KIAA1671: variants seen among roughly 807,000 people sequenced by gnomAD.
KIAA1671 encodes the protein uncharacterized protein KIAA1671.
In KIAA1671, 52 loss-of-function variants were observed where a neutral mutation model predicts 131.2. The observed-to-expected ratio is 0.40, with a 90% CI of 0.32 to 0.50. The LOEUF (loss-of-function observed/expected upper bound fraction) is 0.50, where lower values mean the gene tolerates loss of function less well. KIAA1671 is among the 20% of genes least tolerant of loss of function. The probability of loss-of-function intolerance (pLI) is 0.73; values close to 1 mark genes in which losing one functional copy is unlikely to be tolerated. For synonymous variants in KIAA1671, 1,003 were observed against 961.6 expected (o/e 1.04, Z -0.80); for missense variants, 2,360 against 2,364.2 (o/e 1.00, Z 0.04).
intron 6 of KIAA1671, among the ~76,000 whole-genome samples, chr22:25,142,696 A>G (rs1240379719): frequency 6.6e-6 from 1 of 152,036 alleles, no homozygotes; most frequent in African/African-American, 2.4e-5. Context: ...ATATGGTGAA[A>G]CCCCGTCTCT....
intron 1 of KIAA1671, among the ~76,000 whole-genome samples, chr22:25,008,106 G>C (rs1412779760): frequency 6.7e-6 from 1 of 149,358 alleles, no homozygotes; most frequent in Admixed American, 6.8e-5. Flanking sequence ...ACTGAGGCAG[G>C]AGAATCTCTT....
At chr22:25,068,623 A>G (rs1928626809) in intron 6 of KIAA1671, among the ~76,000 whole-genome samples, 1 of 152,094 alleles carries the variant, frequency 6.6e-6, no homozygotes. Flanking sequence ...TTTTTAGTAG[A>G]GACGGGGTTT....
intron 6 of KIAA1671, among the ~76,000 whole-genome samples, chr22:25,153,116 A>G (rs976702976): frequency 2.6e-5 from 4 of 152,206 alleles, no homozygotes; most frequent in African/African-American, 7.2e-5. Flanking sequence ...ATAGTATAGT[A>G]TATCAATAGT....
intron 11 of KIAA1671, 58 bp downstream of exon 11, chr22:25,185,177 G>T: frequency 6.8e-7 from 1 of 1,469,710 alleles, no homozygotes; most frequent in Non-Finnish European, 9.1e-7. Flanking sequence ...TATACTTCTA[G>T]AGAGGTGCTC....
At chr22:25,037,345 A>G (rs1486656136) in intron 4 of KIAA1671, among the ~76,000 whole-genome samples, 1 of 152,040 alleles carries the variant, frequency 6.6e-6, no homozygotes, top group Admixed American at 6.6e-5. Context: ...ATATGTGTAT[A>G]TTGCAAAAAA....
At chr22:25,093,889 T>TCTCTCTCTCTCTCTC (rs1930274010) in intron 6 of KIAA1671, among the ~76,000 whole-genome samples, 1 of 134,296 alleles carries the variant, frequency 7.4e-6, no homozygotes, top group Non-Finnish European at 1.6e-5. Context: ...TCTCTCTCCC[T>TCTCTCTCTCTCTCTC]TCTGCTTCTG....
chr22:24,999,688 A>G (rs572374984), intron 1 of KIAA1671, among the ~76,000 whole-genome samples: 1 of 130,090 alleles, frequency 7.7e-6, no homozygotes, highest in South Asian at 2.6e-4. Context: ...TCAGCCTCCC[A>G]AGTAGCTGGG....
At chr22:25,117,536 A>T (rs887756990) in intron 6 of KIAA1671, among the ~76,000 whole-genome samples, 1 of 148,628 alleles carries the variant, frequency 6.7e-6, no homozygotes, top group Admixed American at 6.8e-5. Context: ...TTAATTATGG[A>T]CTGTAATGGA....
In KIAA1671 at chr22:25,181,409, C is replaced by T. The variant is rs577603408; in HGVS notation, c.5075-290C>T. Among the ~76,000 whole-genome samples the T allele has an allele frequency of 1.1e-3, 164 of 152,308 alleles. 1 individual carries two copies. The highest frequency in any genetic ancestry group is 3.7e-3 in the African/African-American group (155 of 41,566). ...CTCTGCCAAAGATTTCCTTCTATTC[C>T]CTGACTTGGAATGAGCCAAGGGCCC... On this transcript the variant is annotated intron_variant, in intron 9 of 12. Coordinates refer to ENST00000358431, the MANE Select transcript of KIAA1671 (RefSeq NM_001145206.2).
Position 25,028,917 on chromosome 22 carries a change from T to C in KIAA1671, c.918T>C (p.Ser306=). The change falls in exon 3 of 13, where the codon AGT becomes AGC. Residue 306 remains serine, a synonymous_variant. Transcript: ENST00000358431. ...ALLRKVADEG[S]GPTAGDMAGL... is the part of the protein sequence containing the mutation. ...TGAGGAAGGTGGCCGATGAAGGAAG[T>C]GGACCCACAGCAGGGGATATGGCTG... 1 of 1,551,508 alleles carries C rather than the reference T, an allele frequency of 6.4e-7. No individual in the cohort carries two copies. Among genetic ancestry groups the C allele is most frequent in the Non-Finnish European group, 8.7e-7 (1 of 1,146,958 alleles).
At chr22:25,038,497 C>G (rs942923470) in intron 4 of KIAA1671, among the ~76,000 whole-genome samples, 1 of 152,236 alleles carries the variant, frequency 6.6e-6, no homozygotes, top group Middle Eastern at 3.4e-3. Flanking sequence ...GGAACTTGGC[C>G]GGATAAAAGG....
At chr22:24,998,532 G>A (rs1052214168) in intron 1 of KIAA1671, among the ~76,000 whole-genome samples, 7 of 151,980 alleles carry the variant, frequency 4.6e-5, no homozygotes, top group East Asian at 3.9e-4. Context: ...ATCCTGGCTA[G>A]CACAGTGAAA....
At chr22:25,181,888 T>C (rs2146035896) in intron 10 of KIAA1671, 65 bp downstream of exon 10, 2 of 1,515,416 alleles carry the variant, frequency 1.3e-6, no homozygotes, top group South Asian at 1.2e-5. Context: ...GTGTAAAGAA[T>C]AGATTCCGGC....
chr22:25,113,238 A>G (rs542174673), intron 6 of KIAA1671, among the ~76,000 whole-genome samples: 3 of 152,278 alleles, frequency 2.0e-5, no homozygotes, highest in African/African-American at 7.2e-5. Flanking sequence ...CCCGAACCCC[A>G]GGCTCTGACC....
At chr22:25,137,135 T>C (rs896383248) in intron 6 of KIAA1671, among the ~76,000 whole-genome samples, 2 of 152,238 alleles carry the variant, frequency 1.3e-5, no homozygotes, top group Non-Finnish European at 2.9e-5. Flanking sequence ...TGTTAGGGAT[T>C]CTCTGAGATT....
Position 25,034,590 on chromosome 22 carries a change from C to T in KIAA1671, c.1629+1894C>T, listed in dbSNP as rs1009627243. ...CTATTTGTGTGAGTAGACCACAATT[C>T]GTTTATCCATTCACCTTTTGATGGA... On this transcript the variant is annotated intron_variant, in intron 4 of 12. Coordinates refer to ENST00000358431, the MANE Select transcript of KIAA1671 (RefSeq NM_001145206.2). 9.2e-5 allele frequency among the ~76,000 whole-genome samples: 14 copies of T among 152,156 alleles called. No homozygotes were observed. The East Asian group carries it at 1.4e-3, about 15-fold the overall frequency.
At position 25,028,424 on chromosome 22, in the gene KIAA1671, G is replaced by C. The variant is rs73395693; in HGVS notation, c.425G>C (p.Ser142Thr). The change falls in exon 3 of 13, where the codon AGC becomes ACC. Residue 142 changes from serine to threonine, a missense_variant. Coordinates refer to ENST00000358431, the MANE Select transcript of KIAA1671 (RefSeq NM_001145206.2). ...GCTGTGTTCCTGCGGCCCAGCTCCA[G>C]CACCATGATTCTCTTCGAAACCACC... is the stretch of plus-strand genomic sequence containing the variant. ...NKAVFLRPSS[S>T]TMILFETTKS... 2 of 1,550,886 alleles carry C rather than the reference G, an allele frequency of 1.3e-6. No individual in the cohort carries two copies. Among genetic ancestry groups the C allele is most frequent in the African/African-American group, 2.7e-5 (2 of 73,048 alleles).
rs1602072855 is a variant in KIAA1671, at chr22:25,021,036, A to T, written c.-207-4597A>T. ...AGGTGAATGGATTGGAGGAGGCCAC[A>T]GCTGAGGCAGAATCGTCAGTGAGGA... On this transcript the variant is annotated intron_variant, in intron 1 of 12. Transcript: ENST00000358431. Among the ~76,000 whole-genome samples the T allele has an allele frequency of 2.6e-5, 4 of 152,166 alleles. No individual in the cohort carries two copies. The East Asian group carries it at 7.7e-4, about 29-fold the overall frequency.
At position 25,043,858 on chromosome 22, in the gene KIAA1671, A is replaced by G. The variant is rs970126366; in HGVS notation, c.4395+2333A>G. Among the ~76,000 whole-genome samples the G allele has an allele frequency of 1.9e-4, 29 of 152,318 alleles. No homozygotes were observed. The South Asian group carries it at 4.6e-3, about 24-fold the overall frequency. On this transcript the variant is annotated intron_variant, in intron 5 of 12. Transcript: ENST00000358431. Reference sequence around the variant, plus strand: ...CGCCCTGTGTGATGTGGCATCAGCAAATCAGGCCACAGATTCTTCCTTTGC... The same window carrying G: ...CGCCCTGTGTGATGTGGCATCAGCAGATCAGGCCACAGATTCTTCCTTTGC...
Sources: gnomAD v4.1 joint callset for allele counts (sites outside exome capture counted in the v4.1 genomes callset) on GRCh38, gnomAD v4.1.1 for gene constraint, MANE v1.5 for transcripts, NCBI Gene and HGNC (gene_info 2026-07-23, HGNC 2026-07-21) for gene names.